The following MITD1 variants were observed in gnomAD, a reference collection of about 807,000 sequenced individuals.
MITD1 encodes the protein MIT domain-containing protein 1.
A neutral mutation model predicts 34.9 loss-of-function variants in MITD1; 24 were observed. The observed-to-expected ratio is 0.69, with a 90% CI of 0.50 to 0.97. The LOEUF is 0.97. Ranked by LOEUF, MITD1 falls within the 50% of genes least tolerant of loss-of-function variation. The pLI, the probability that MITD1 is intolerant of heterozygous loss-of-function variation, is 0.00. For synonymous variants in MITD1, 102 were observed against 101.4 expected, an observed-to-expected ratio of 1.01 and a Z score of -0.04; for missense variants, 266 against 294.6, an observed-to-expected ratio of 0.90 and a Z score of 0.71.
chr2:99,169,405 A>C lies in MITD1; in HGVS notation c.720T>G (p.Ile240Met). ...TATTTTTTGTATGCTTCTTATGAAA[A>C]ATGTCTACTGTTGTTTCATGACATG... Reference protein sequence around the residue: ...LRPCHETTVDIFHKKHTKNI With the variant: ...LRPCHETTVDMFHKKHTKNI The change falls in exon 7 of 7, where the codon ATT (isoleucine) becomes ATG (methionine). Residue 240 changes from isoleucine to methionine, a missense_variant. Transcript: ENST00000289359. The C allele has an allele frequency of 6.3e-7, 1 of 1,593,282 alleles. No individual in the cohort carries two copies. Among genetic ancestry groups the C allele is most frequent in the Non-Finnish European group, 8.6e-7 (1 of 1,166,252 alleles).
At chr2:99,164,900 A>G (rs1257905662), downstream of MITD1, among the ~76,000 whole-genome samples, 3 of 151,892 alleles carry the variant, frequency 2.0e-5, no homozygotes, top group African/African-American at 7.3e-5. Context: ...TCGAGTTCCA[A>G]ATTGGAAATT....
At chr2:99,167,274 T>G (rs2093831540), downstream of MITD1, among the ~76,000 whole-genome samples, 1 of 152,220 alleles carries the variant, frequency 6.6e-6, no homozygotes, top group Non-Finnish European at 1.5e-5. Context: ...AGAACTGACA[T>G]TAAGTCTTCC....
At chr2:99,178,996 CCAAT>C (rs1368922714) in intron 1 of MITD1, among the ~76,000 whole-genome samples, 2 of 152,180 alleles carry the variant, frequency 1.3e-5, no homozygotes, top group Non-Finnish European at 2.9e-5. Context: ...CTCCAAAGCC[CCAAT>C]CAAACTCCAC....
intron 1 of MITD1, among the ~76,000 whole-genome samples, chr2:99,176,607 G>A (rs13023501): frequency 0.51 from 77,254 of 151,910 alleles, 21,567 homozygotes; most frequent in Middle Eastern, 0.7. Flanking sequence ...GATTACAGGC[G>A]TGAGCCACCA....
chr2:99,175,924 T>G (rs1356695668), intron 1 of MITD1, among the ~76,000 whole-genome samples: 1 of 152,162 alleles, frequency 6.6e-6, no homozygotes, highest in Non-Finnish European at 1.5e-5. Flanking sequence ...CCTTACATTT[T>G]GATTCAGGAT....
chr2:99,166,882 TATATATATATATATAA>T, downstream of MITD1, among the ~76,000 whole-genome samples: 1 of 136,912 alleles, frequency 7.3e-6, no homozygotes, highest in African/African-American at 3.0e-5. Flanking sequence ...TATATATATA[TATATATATATATATAA>T]ATTTTTCATT....
At position 99,162,932 on chromosome 2, in the gene MITD1, CAAATT is replaced by C. The variant is rs1184459739; in HGVS notation, c.*4-719_*4-715del. ...ATTGGTTGCCATTGGAAATACGTGA[CAAATT>C]AAATTCAAGTCTTATTGGCAGTAAG... On this transcript the variant is annotated intron_variant, in intron 7 of 7. Transcript: ENST00000422537. 3.1e-6 allele frequency: 5 copies of C among 1,613,484 alleles called. No homozygotes were observed. In the Admixed American group the frequency reaches 5.0e-5, roughly 16 times the overall value.
Position 99,181,011 on chromosome 2 carries a change from C to G in MITD1, c.-30G>C, listed in dbSNP as rs369197570. The G allele has an allele frequency of 1.2e-6, 2 of 1,605,022 alleles. No individual in the cohort carries two copies. The highest frequency in any genetic ancestry group is 1.7e-6 in the Non-Finnish European group (2 of 1,175,208). On this transcript the variant is annotated 5_prime_UTR_variant, in exon 1 of 7. Transcript: ENST00000289359. ...CTGGAAGTTCTCCTCCGCCTCAACCCAGGATGAAGTTGAGCGGGTCTGCTG... is the reference window on the plus strand; with the variant it reads ...CTGGAAGTTCTCCTCCGCCTCAACCGAGGATGAAGTTGAGCGGGTCTGCTG...
chr2:99,168,978 T>TGG (rs70940146), downstream of MITD1, among the ~76,000 whole-genome samples: 8 of 103,028 alleles, frequency 7.8e-5, no homozygotes, highest in African/African-American at 2.9e-4. Context: ...TTTTTTTTTT[T>TGG]CTGATACAGG....
intron 1 of MITD1, 47 bp from the exon 2 acceptor site, chr2:99,174,063 TATTTA>T (rs758142432): frequency 8.8e-6 from 9 of 1,017,880 alleles, no homozygotes; most frequent in East Asian, 2.6e-5. Context: ...ATAGTTTTTC[TATTTA>T]ATTTGGGCAT....
intron 7 of MITD1, chr2:99,163,036 G>A (rs2093809625): frequency 1.9e-6 from 3 of 1,587,642 alleles, no homozygotes; most frequent in East Asian, 4.5e-5. Flanking sequence ...AAACTAAACA[G>A]TAAATGGAAT....
rs909543784 is a variant in MITD1, at chr2:99,173,708, A to C, written c.253+207T>G. ...AGGGGTGTCTGATATTCCCACCCCCAACTAAAAACAAAAGCCAAAACAAAC... is the reference window on the plus strand; with the variant it reads ...AGGGGTGTCTGATATTCCCACCCCCCACTAAAAACAAAAGCCAAAACAAAC... On this transcript the variant is annotated intron_variant, in intron 2 of 6. Transcript: ENST00000289359. 3.0e-4 allele frequency: 178 copies of C among 586,110 alleles called. 1 individual carries two copies. The highest frequency in any genetic ancestry group is 4.5e-4 in the East Asian group (15 of 33,320). 36.3% of individuals were successfully genotyped at this position (586,110 alleles called of 1,614,324 possible).
At chr2:99,168,321 A>C (rs2093836296), downstream of MITD1, among the ~76,000 whole-genome samples, 1 of 152,028 alleles carries the variant, frequency 6.6e-6, no homozygotes, top group Non-Finnish European at 1.5e-5. Context: ...TTGTATTTTT[A>C]ATAAAGACGG....
At chr2:99,180,716 T>G in intron 1 of MITD1, 115 bp downstream of exon 1, 2 of 894,288 alleles carry the variant, frequency 2.2e-6, no homozygotes. Flanking sequence ...CCTTCTGTAT[T>G]TAACTGCTTC....
chr2:99,170,452 A>G (rs2093849690), intron 5 of MITD1, 85 bp downstream of exon 5: 1 of 355,784 alleles, frequency 2.8e-6, no homozygotes, highest in African/African-American at 2.2e-5. Context: ...ATTATTAAAT[A>G]TTTATAGGCA....
chr2:99,168,978 T>TTTTTTTTTTTG (rs70940146), downstream of MITD1, among the ~76,000 whole-genome samples: 11 of 103,030 alleles, frequency 1.1e-4, 1 homozygote, highest in Non-Finnish European at 1.3e-4. Context: ...TTTTTTTTTT[T>TTTTTTTTTTTG]CTGATACAGG....
chr2:99,163,288 CCT>C (rs1287998729), intron 7 of MITD1: 8 of 349,786 alleles, frequency 2.3e-5, no homozygotes, highest in African/African-American at 1.7e-4. Context: ...CCTCTAGGAT[CCT>C]CTTTCTTCTC....
At chr2:99,172,881 TA>T (rs79085981) in intron 2 of MITD1, 621 of 118,110 alleles carry the variant, frequency 5.3e-3, no homozygotes, top group Admixed American at 5.7e-3. Flanking sequence ...AGACTCCGTC[TA>T]AAAAAAAAAA....
At chr2:99,172,913 C>T (rs1049095442) in intron 2 of MITD1, 2 of 151,844 alleles carry the variant, frequency 1.3e-5, no homozygotes, top group Non-Finnish European at 2.9e-5. Context: ...AATGGTAGCC[C>T]CTAAATTATA....
Sources: gnomAD v4.1 joint callset for allele counts (sites outside exome capture counted in the v4.1 genomes callset) on GRCh38, gnomAD v4.1.1 for gene constraint, MANE v1.5 for transcripts, NCBI Gene and HGNC (gene_info 2026-07-23, HGNC 2026-07-21) for gene names.